ATP13A3: variants seen among roughly 807,000 people sequenced by gnomAD.
The protein encoded by ATP13A3 is polyamine-transporting ATPase 13A3.
ATP13A3 carries 59 observed loss-of-function variants against 158.1 expected under a neutral mutation model. The ratio of observed to expected loss-of-function variants is 0.37; its 90% confidence interval spans 0.30 to 0.46. The LOEUF (loss-of-function observed/expected upper bound fraction) is 0.46, where lower values mean the gene tolerates loss of function less well. Ranked by LOEUF, ATP13A3 falls within the 20% of genes least tolerant of loss-of-function variation. The pLI, the probability that ATP13A3 is intolerant of heterozygous loss-of-function variation, is 1.00. For synonymous variants in ATP13A3, 491 were observed against 504.3 expected (o/e 0.97, Z 0.35); for missense variants, 1,166 against 1,525.2 (o/e 0.76, Z 3.92).
At chr3:194,430,376 T>TATTA in intron 24 of ATP13A3, 61 bp from the exon 25 acceptor site, 1 of 1,520,492 alleles carries the variant, frequency 6.6e-7, no homozygotes, top group Non-Finnish European at 9.0e-7. Flanking sequence ...ACATTTAACT[T>TATTA]ATTAAGACTT....
intron 14 of ATP13A3, 144 bp downstream of exon 14, chr3:194,446,783 T>C (rs977601811): frequency 1.3e-6 from 1 of 749,064 alleles, no homozygotes; most frequent in African/African-American, 1.8e-5. Flanking sequence ...ATGATGCATA[T>C]ACCAAATAAG....
chr3:194,447,156 A>T (rs771491339), intron 13 of ATP13A3, 41 bp from the exon 14 acceptor site: 1 of 1,511,084 alleles, frequency 6.6e-7, no homozygotes, highest in Admixed American at 2.1e-5. Context: ...CCCCAGTATT[A>T]TTTACGGATT....
At chr3:194,491,183 C>T (rs925000884), upstream of ATP13A3, among the ~76,000 whole-genome samples, 7 of 152,132 alleles carry the variant, frequency 4.6e-5, no homozygotes, top group Admixed American at 1.3e-4. Context: ...CCAGGCCACT[C>T]CTCAGAGTCC....
rs1289586901 is a variant in ATP13A3 at position 194,403,650 on chromosome 3, A to T, written c.*2269T>A. On this transcript the variant is annotated 3_prime_UTR_variant, in exon 34 of 34. Transcript: ENST00000645319. ...AATTTAGGTCTGTATAAACTCAAAT[A>T]ATTTAATGTGAAATTCAGAATCAAA... The T allele has an allele frequency of 6.5e-6, 1 of 153,278 alleles. No individual in the cohort carries two copies. Among genetic ancestry groups the T allele is most frequent in the East Asian group, 1.9e-4 (1 of 5,210 alleles). The allele number at this position is 153,278 out of a possible 1,614,324, so 9.5% of individuals were successfully genotyped here.
intron 10 of ATP13A3, 127 bp from the exon 11 acceptor site, chr3:194,450,403 CA>C: frequency 2.3e-6 from 2 of 868,766 alleles, no homozygotes; most frequent in Non-Finnish European, 3.5e-6. Context: ...TAGAAAAATC[CA>C]ACAAATGGCA....
rs1721179227 is a variant in ATP13A3, at chr3:194,494,201, C to T, written n.595G>A. 1 of 398,500 alleles carries T rather than the reference C, an allele frequency of 2.5e-6. No individual in the cohort carries two copies. Among genetic ancestry groups the T allele is most frequent in the African/African-American group, 2.1e-5 (1 of 48,574 alleles). 24.7% of individuals were successfully genotyped at this position (398,500 alleles called of 1,614,324 possible). A position where few individuals can be genotyped will look rare whatever the true frequency, so the allele number is the denominator to read the frequency against. On this transcript the variant is annotated non_coding_transcript_exon_variant, in exon 2 of 33. Transcript: ENST00000687055. This position sits in a 1 kb window ranked among gnomAD's most constrained non-coding sequence, Gnocchi z 4.2. ...TCTGTTTAAGCACCCAGACTTCCAC[C>T]TCCTCATGAGCCAGGACCTTCCTCA...
chr3:194,466,107 A>T (rs1371803271), intron 2 of ATP13A3, among the ~76,000 whole-genome samples: 1 of 152,220 alleles, frequency 6.6e-6, no homozygotes, highest in Non-Finnish European at 1.5e-5. Flanking sequence ...CTAAAACAGT[A>T]CTTAGAAAAA....
intron 6 of ATP13A3, 95 bp downstream of exon 6, chr3:194,459,376 C>T: frequency 1.2e-6 from 1 of 835,518 alleles, no homozygotes; most frequent in East Asian, 2.6e-5. Context: ...AAAATAAAAC[C>T]TCAGCAATTT....
chr3:194,445,559 T>G (rs1718344845), intron 14 of ATP13A3, among the ~76,000 whole-genome samples: 1 of 152,048 alleles, frequency 6.6e-6, no homozygotes, highest in Non-Finnish European at 1.5e-5. Flanking sequence ...AGTAAATGAG[T>G]GTTTATTATA....
Position 194,405,719 on chromosome 3 carries a change from GGATT to G in ATP13A3, c.*196_*199del. The G allele has an allele frequency of 1.7e-6, 1 of 575,546 alleles. No homozygotes were observed. The highest frequency in any genetic ancestry group is 2.3e-5 in the South Asian group (1 of 44,312). The allele number at this position is 575,546 out of a possible 1,614,324, so 35.7% of individuals were successfully genotyped here. A position where few individuals can be genotyped will look rare whatever the true frequency, so the allele number is the denominator to read the frequency against. ...GCTGAATGAAGATATAGGACTTTAT[GGATT>G]GATTGTTAATTTAACTGTTAGGACG... On this transcript the variant is annotated 3_prime_UTR_variant, in exon 34 of 34. Transcript: ENST00000645319.
At position 194,428,231 on chromosome 3, in the gene ATP13A3, A is replaced by AAAAAAAAAAAAAAG. The variant is rs557252872; in HGVS notation, c.2947+613_2947+614insCTTTTTTTTTTTTT. Reference sequence around the variant, plus strand: ...GACAGACTCTGTCTCAAAAAAAAAAAAAAAAAGAAAAAAAGAAATTTCTAT... The same window carrying AAAAAAAAAAAAAAG: ...GACAGACTCTGTCTCAAAAAAAAAAAAAAAAAAAAAAAAGAAAAAAGAAAAAAAGAAATTTCTAT... On this transcript the variant is annotated intron_variant, in intron 28 of 33. Transcript: ENST00000645319. 7.8e-5 allele frequency among the ~76,000 whole-genome samples: 11 copies of AAAAAAAAAAAAAAG among 141,814 alleles called. 1 individual carries two copies. Among genetic ancestry groups the AAAAAAAAAAAAAAG allele is most frequent in the African/African-American group, 2.0e-4 (7 of 35,774 alleles). The allele number at this position is 141,814 out of a possible 152,430, so 93.0% of individuals were successfully genotyped here.
At chr3:194,445,225 T>C (rs1404357534) in intron 14 of ATP13A3, among the ~76,000 whole-genome samples, 1 of 152,196 alleles carries the variant, frequency 6.6e-6, no homozygotes, top group Non-Finnish European at 1.5e-5. Flanking sequence ...GTAAATGACC[T>C]GGTTTCTTCA....
rs769806271 is a variant in ATP13A3, at chr3:194,430,840, TATGAA to T, written c.2624+98_2624+102del. 125 of 797,760 alleles carry T rather than the reference TATGAA, an allele frequency of 1.6e-4. 4 individuals are homozygous for T. Among genetic ancestry groups the T allele is most frequent in the East Asian group, 1.1e-3 (38 of 33,390 alleles). 49.4% of individuals were successfully genotyped at this position (797,760 alleles called of 1,614,324 possible). On this transcript the variant is annotated intron_variant, in intron 24 of 33. Coordinates refer to ENST00000645319, the MANE Select transcript of ATP13A3 (RefSeq NM_001367549.1). Reference sequence around the variant, plus strand: ...TATAGATCACAATTATATATATAAATATGAAATATTAGTATAAGAAACATATAAAA... The same window carrying T: ...TATAGATCACAATTATATATATAAATATATTAGTATAAGAAACATATAAAA...
chr3:194,450,369 TAAG>T (rs536030435), intron 10 of ATP13A3, 93 bp from the exon 11 acceptor site: 2 of 1,247,140 alleles, frequency 1.6e-6, no homozygotes, highest in South Asian at 1.4e-5. Context: ...CTGATCTCAA[TAAG>T]AAGTTTATAA....
intron 31 of ATP13A3, among the ~76,000 whole-genome samples, chr3:194,416,252 G>A (rs1715842618): frequency 6.6e-6 from 1 of 152,174 alleles, no homozygotes; most frequent in South Asian, 2.1e-4. Context: ...GAGGTCAGGA[G>A]TTCGATACCA....
rs1277860134 is a variant in ATP13A3 at position 194,421,132 on chromosome 3, ATATAG to A, written c.3314-1170_3314-1166del. 1.7e-3 allele frequency among the ~76,000 whole-genome samples: 27 copies of A among 16,144 alleles called. 3 individuals carry two copies. The highest frequency in any genetic ancestry group is 2.2e-3 in the Non-Finnish European group (23 of 10,380). 10.6% of individuals were successfully genotyped at this position (16,144 alleles called of 152,430 possible). On this transcript the variant is annotated intron_variant, in intron 30 of 33. Transcript: ENST00000645319. ...GTAGGGTGTATATATATATATATATATATAGTATATATATATATATATATATATAT... is the reference window on the plus strand; with the variant it reads ...GTAGGGTGTATATATATATATATATATATATATATATATATATATATATAT...
chr3:194,409,708 T>C (rs1479496248), intron 33 of ATP13A3, among the ~76,000 whole-genome samples: 1 of 143,936 alleles, frequency 6.9e-6, no homozygotes, highest in Non-Finnish European at 1.5e-5. Context: ...TTTTTTTTTT[T>C]TTTTTTTTTT....
chr3:194,439,449 G>A (rs539936953), intron 16 of ATP13A3, among the ~76,000 whole-genome samples: 1 of 152,360 alleles, frequency 6.6e-6, no homozygotes, highest in Non-Finnish European at 1.5e-5. Flanking sequence ...TGAGTTTAGA[G>A]TTTCTCAGCT....
At chr3:194,456,359 T>C (rs1472587815) in intron 7 of ATP13A3, among the ~76,000 whole-genome samples, 27 of 152,086 alleles carry the variant, frequency 1.8e-4, no homozygotes. Context: ...TAACAGTGTT[T>C]AGTTCAAAAC....
Sources: gnomAD v4.1 joint callset for allele counts (sites outside exome capture counted in the v4.1 genomes callset) on GRCh38, gnomAD v4.1.1 for gene constraint, Gnocchi (gnomAD v3.1) non-coding constraint, MANE v1.5 for transcripts, NCBI Gene and HGNC (gene_info 2026-07-23, HGNC 2026-07-21) for gene names.